The following PRR5L variants were observed in gnomAD, a reference collection of about 807,000 sequenced individuals.
The protein encoded by PRR5L is proline rich 5 like.
Under a neutral mutation model 36.4 loss-of-function variants are expected in PRR5L, and 21 were observed. The ratio of observed to expected loss-of-function variants is 0.58; its 90% CI spans 0.41 to 0.83. PRR5L has a LOEUF of 0.83. PRR5L is among the 40% of genes least tolerant of loss of function. The pLI is 0.00. For missense variants in PRR5L, 381 were observed against 473.3 expected, an observed-to-expected ratio of 0.80 and a Z score of 1.81; for synonymous variants, 188 against 197.0, an observed-to-expected ratio of 0.95 and a Z score of 0.38.
intron 1 of PRR5L, among the ~76,000 whole-genome samples, chr11:36,351,635 A>T (rs12795182): frequency 1.1e-3 from 5 of 4,380 alleles, no homozygotes; most frequent in Non-Finnish European, 1.8e-3. Context: ...ATTTATATAA[A>T]TATATATTTA....
chr11:36,375,342 C>A (rs1857243771), intron 1 of PRR5L, among the ~76,000 whole-genome samples: 1 of 152,010 alleles, frequency 6.6e-6, no homozygotes, highest in Non-Finnish European at 1.5e-5. Flanking sequence ...CATTCTAGGG[C>A]TTCTGTTGAG....
At chr11:36,400,974 T>C (rs1857780362) in intron 1 of PRR5L, 23 bp from the exon 2 acceptor site, 2 of 1,430,488 alleles carry the variant, frequency 1.4e-6, no homozygotes. Flanking sequence ...GAGTTCTCAA[T>C]AAAAGCTTCC....
chr11:36,396,494 C>T (rs556200953), intron 1 of PRR5L, among the ~76,000 whole-genome samples: 2 of 152,222 alleles, frequency 1.3e-5, no homozygotes, highest in South Asian at 4.1e-4. Flanking sequence ...GACGCTACTG[C>T]GTCACCAGAA....
intron 6 of PRR5L, among the ~76,000 whole-genome samples, chr11:36,443,655 C>T (rs1161615805): frequency 6.6e-6 from 1 of 152,210 alleles, no homozygotes; most frequent in Non-Finnish European, 1.5e-5. Context: ...TCGCCATCAT[C>T]ATCAATATCA....
chr11:36,314,274 G>A (rs1856532752), intron 1 of PRR5L, among the ~76,000 whole-genome samples: 3 of 152,102 alleles, frequency 2.0e-5, no homozygotes, highest in Non-Finnish European at 1.5e-5. Context: ...GAGGACAGCT[G>A]GTCCCTTGGG....
intron 1 of PRR5L, among the ~76,000 whole-genome samples, chr11:36,337,194 C>T (rs1035832636): frequency 2.9e-4 from 44 of 152,226 alleles, no homozygotes; most frequent in Admixed American, 1.5e-3. Context: ...AAATTAATAA[C>T]CCCCAATGCA....
At chr11:36,299,492 C>T (rs577439431) in intron 1 of PRR5L, among the ~76,000 whole-genome samples, 1 of 152,322 alleles carries the variant, frequency 6.6e-6, no homozygotes, top group East Asian at 1.9e-4. Context: ...AGTTTCGTGC[C>T]ACTTCTTTTG....
intron 1 of PRR5L, among the ~76,000 whole-genome samples, chr11:36,360,322 A>C (rs1027667675): frequency 6.6e-6 from 1 of 152,218 alleles, no homozygotes; most frequent in Non-Finnish European, 1.5e-5. Flanking sequence ...AGTTGCTAAC[A>C]GTATTTAATA....
At chr11:36,444,073 G>A (rs1200100740) in intron 6 of PRR5L, among the ~76,000 whole-genome samples, 2 of 152,150 alleles carry the variant, frequency 1.3e-5, no homozygotes, top group East Asian at 1.9e-4. Context: ...TATGCCCAAC[G>A]TGGCATGGAT....
chr11:36,297,599 C>T (rs1340322340), intron 1 of PRR5L, among the ~76,000 whole-genome samples: 1 of 152,198 alleles, frequency 6.6e-6, no homozygotes, highest in Non-Finnish European at 1.5e-5. Context: ...GGTCCTCCCT[C>T]TTCCCTTGCC....
chr11:36,326,120 GA>G (rs1186017714), intron 1 of PRR5L, among the ~76,000 whole-genome samples: 1 of 151,954 alleles, frequency 6.6e-6, no homozygotes, highest in African/African-American at 2.4e-5. Flanking sequence ...TACAAAATTA[GA>G]ATAGTGAACC....
intron 1 of PRR5L, among the ~76,000 whole-genome samples, chr11:36,334,490 G>T (rs1438779938): frequency 2.6e-5 from 4 of 152,124 alleles, no homozygotes; most frequent in African/African-American, 9.7e-5. Flanking sequence ...CCAAGTATTT[G>T]CTGGCTTCAG....
At position 36,351,501 on chromosome 11, in the gene PRR5L, T is replaced by A. The variant is rs1210393337; in HGVS notation, c.-125-49496T>A. ...TATATATTTATATATTTATATATAT[T>A]TTTATATATTTATATATATTTATAT... On this transcript the variant is annotated intron_variant, in intron 1 of 8. Transcript: ENST00000530639. Among the ~76,000 whole-genome samples the A allele has an allele frequency of 1.7e-3, 16 of 9,324 alleles. 6 individuals carry two copies. The highest frequency in any genetic ancestry group is 0.01 in the African/African-American group (14 of 1,368). 6.1% of individuals were successfully genotyped at this position (9,324 alleles called of 152,430 possible). A position where few individuals can be genotyped will look rare whatever the true frequency, so the allele number is the denominator to read the frequency against.
intron 1 of PRR5L, among the ~76,000 whole-genome samples, chr11:36,334,969 CCACT>C (rs1856754430): frequency 1.3e-5 from 2 of 151,962 alleles, no homozygotes; most frequent in Admixed American, 1.3e-4. Flanking sequence ...ACTCACTCAC[CCACT>C]AATTATCTTT....
intron 3 of PRR5L, among the ~76,000 whole-genome samples, chr11:36,414,337 A>T (rs1473869203): frequency 2.0e-5 from 3 of 149,268 alleles, no homozygotes; most frequent in Non-Finnish European, 3.0e-5. Context: ...CCAACAGTGT[A>T]AAAGTGTTCC....
rs559961078 is a variant in PRR5L at position 36,371,519 on chromosome 11, T to C, written c.-125-29478T>C. 1.3e-4 allele frequency among the ~76,000 whole-genome samples: 20 copies of C among 152,342 alleles called. No homozygotes were observed. In the South Asian group the frequency reaches 2.9e-3, roughly 22 times the overall value. On this transcript the variant is annotated intron_variant, in intron 1 of 8. Coordinates refer to ENST00000530639, the MANE Select transcript of PRR5L (RefSeq NM_001160167.2). ...TCTTATGTTGCACACGGCTGGGAGA[T>C]CTACTTGTGCTCCTCACAAGTTGTG...
intron 1 of PRR5L, among the ~76,000 whole-genome samples, chr11:36,322,143 C>G (rs7127214): frequency 0.36 from 54,796 of 151,968 alleles, 10,271 homozygotes; most frequent in East Asian, 0.73. Context: ...ATCTATAATT[C>G]TTAATTGTTT....
rs1262852304 is a variant in PRR5L at position 36,461,774 on chromosome 11, A to G, written c.713-568A>G. Among the ~76,000 whole-genome samples the G allele has an allele frequency of 3.3e-5, 5 of 152,300 alleles. No homozygotes were observed. The East Asian group carries it at 5.8e-4, about 18-fold the overall frequency. ...TTGACTTGAACAGAACATAGGTCTGAGACCCTTCACCTGGCAGGAGATGAG... is the reference window on the plus strand; with the variant it reads ...TTGACTTGAACAGAACATAGGTCTGGGACCCTTCACCTGGCAGGAGATGAG... On this transcript the variant is annotated intron_variant, in intron 8 of 8. Transcript: ENST00000530639.
At chr11:36,302,950 A>T (rs1351630714) in intron 1 of PRR5L, among the ~76,000 whole-genome samples, 1 of 152,202 alleles carries the variant, frequency 6.6e-6, no homozygotes, top group Non-Finnish European at 1.5e-5. Flanking sequence ...TTTATGAGAG[A>T]AGCCAGCCAA....
Sources: gnomAD v4.1 joint callset for allele counts (sites outside exome capture counted in the v4.1 genomes callset) on GRCh38, gnomAD v4.1.1 for gene constraint, MANE v1.5 for transcripts, NCBI Gene and HGNC (gene_info 2026-07-23, HGNC 2026-07-21) for gene names.